Variants in ADCY3 observed in about 807,000 individuals in gnomAD.
ADCY3 encodes adenylate cyclase type 3.
In ADCY3, 70 loss-of-function variants were observed where a neutral mutation model predicts 119.4. That is an observed-to-expected ratio of 0.59 (90% CI 0.48 to 0.72). The LOEUF (loss-of-function observed/expected upper bound fraction) is 0.72. Among genes scored for constraint, ADCY3 ranks in the 30% least tolerant of loss-of-function variants. The pLI, the probability that ADCY3 is intolerant of heterozygous loss-of-function variation, is 0.00. For missense variants in ADCY3, 1,238 were observed against 1,541.6 expected (o/e 0.80, Z 3.30); for synonymous variants, 672 against 621.4 (o/e 1.08, Z -1.21).
At chr2:24,864,195 CAGG>C (rs1292579740) in intron 3 of ADCY3, among the ~76,000 whole-genome samples, 1 of 152,138 alleles carries the variant, frequency 6.6e-6, no homozygotes, top group Non-Finnish European at 1.5e-5. Flanking sequence ...GACGCTGAAG[CAGG>C]AGAATAGCTT....
Position 24,834,950 on chromosome 2 carries a change from A to C in ADCY3, c.1663-14T>G, listed in dbSNP as rs1445346769. The C allele has an allele frequency of 1.9e-6, 3 of 1,611,452 alleles. No individual in the cohort carries two copies. In the African/African-American group the frequency reaches 4.0e-5, roughly 22 times the overall value. On this transcript the variant is annotated splice_polypyrimidine_tract_variant and intron_variant, in intron 9 of 21. Transcript: ENST00000679454. The surrounding 1 kb of genome is among the most constrained non-coding windows in gnomAD (Gnocchi z 4.2). Reference sequence around the variant, plus strand: ...GGGGTTGTCGGCCTGTGAGCCAGGGAGGCAGCGTGAGTGGGGCAGATGGGA... The same window carrying C: ...GGGGTTGTCGGCCTGTGAGCCAGGGCGGCAGCGTGAGTGGGGCAGATGGGA...
At chr2:24,839,049 TCTC>T (rs1167994134) in intron 7 of ADCY3, 6 of 417,346 alleles carry the variant, frequency 1.4e-5, no homozygotes, top group African/African-American at 8.4e-5. Flanking sequence ...TTCAAGCAAT[TCTC>T]CTGCCTCAGC....
At chr2:24,905,135 C>T (rs1296627613) in intron 2 of ADCY3, among the ~76,000 whole-genome samples, 5 of 144,380 alleles carry the variant, frequency 3.5e-5, no homozygotes, top group Admixed American at 1.4e-4. Context: ...TGTGTTTTTG[C>T]ATTTTTTTTT....
chr2:24,902,042 G>A (rs1678966727), intron 2 of ADCY3, among the ~76,000 whole-genome samples: 1 of 119,624 alleles, frequency 8.4e-6, no homozygotes, highest in African/African-American at 3.4e-5. Context: ...CTCTGTGTGT[G>A]TGTGTGTGTG....
At chr2:24,874,790 TC>T (rs1558484767) in intron 2 of ADCY3, among the ~76,000 whole-genome samples, 1 of 152,124 alleles carries the variant, frequency 6.6e-6, no homozygotes. Context: ...AGTCCAGGGT[TC>T]CCCCCGAATT....
At chr2:24,895,737 C>T (rs1218155751) in intron 2 of ADCY3, among the ~76,000 whole-genome samples, 4 of 151,654 alleles carry the variant, frequency 2.6e-5, no homozygotes, top group Admixed American at 6.6e-5. Flanking sequence ...GTGATCCTCC[C>T]GTCTCAGCCT....
chr2:24,886,935 C>T (rs9631061), intron 2 of ADCY3, among the ~76,000 whole-genome samples: 48,863 of 152,152 alleles, frequency 0.32, 8,006 homozygotes, highest in East Asian at 0.37. Flanking sequence ...ATCACCAACT[C>T]GACAGTCCCC....
At chr2:24,914,064 A>C in intron 2 of ADCY3, among the ~76,000 whole-genome samples, 1 of 147,596 alleles carries the variant, frequency 6.8e-6, no homozygotes, top group Admixed American at 6.8e-5. Flanking sequence ...CTTCCTCCTC[A>C]CCCAGCCCAG....
At position 24,878,821 on chromosome 2, in the gene ADCY3, C is replaced by A. The variant is rs1676030321; in HGVS notation, c.676-6102G>T. On this transcript the variant is annotated intron_variant, in intron 2 of 21. Transcript: ENST00000679454. The surrounding 1 kb of genome is among the most constrained non-coding windows in gnomAD (Gnocchi z 4.0). Reference sequence around the variant, plus strand: ...CTTAAGTCCCTATGAAATGTCCCTACCCCTCAGAGGCCTTCCCTGCCCACC... The same window carrying A: ...CTTAAGTCCCTATGAAATGTCCCTAACCCTCAGAGGCCTTCCCTGCCCACC... Among the ~76,000 whole-genome samples, 1 of 152,188 alleles carries A rather than the reference C, an allele frequency of 6.6e-6. No individual in the cohort carries two copies. Among genetic ancestry groups the A allele is most frequent in the Non-Finnish European group, 1.5e-5 (1 of 68,036 alleles).
rs564796233 is a variant in ADCY3 at position 24,881,874 on chromosome 2, C to T, written c.676-9155G>A. Among the ~76,000 whole-genome samples the T allele has an allele frequency of 6.6e-5, 10 of 152,252 alleles. No homozygotes were observed. In the East Asian group the frequency reaches 1.4e-3, roughly 21 times the overall value. ...GCGGGTGCTACTGGCCTCTAGTGGG[C>T]GGAGGCCAGGGATGCTGCTGAACAT... is the stretch of plus-strand genomic sequence containing the variant. On this transcript the variant is annotated intron_variant, in intron 2 of 21. Transcript: ENST00000679454.
At chr2:24,863,553 A>C (rs1335568272) in intron 3 of ADCY3, among the ~76,000 whole-genome samples, 1 of 152,156 alleles carries the variant, frequency 6.6e-6, no homozygotes, top group Non-Finnish European at 1.5e-5. Flanking sequence ...TACAGCCTCT[A>C]TCAGTCTTTT....
intron 3 of ADCY3, among the ~76,000 whole-genome samples, chr2:24,851,967 C>A (rs1310608452): frequency 6.6e-6 from 1 of 152,216 alleles, no homozygotes; most frequent in Non-Finnish European, 1.5e-5. Context: ...ATATCCTCTA[C>A]CGCAGCACCC....
chr2:24,883,307 C>T (rs1185904890), intron 2 of ADCY3, among the ~76,000 whole-genome samples: 1 of 152,008 alleles, frequency 6.6e-6, no homozygotes, highest in African/African-American at 2.4e-5. Flanking sequence ...GAGATCTCAC[C>T]ACTGCCCTCC....
intron 2 of ADCY3, among the ~76,000 whole-genome samples, chr2:24,886,950 A>G (rs1005099204): frequency 1.3e-5 from 2 of 152,210 alleles, no homozygotes; most frequent in African/African-American, 2.4e-5. Flanking sequence ...GTCCCCCACA[A>G]GTGACACCCC....
chr2:24,896,552 T>C (rs1399875023), intron 2 of ADCY3, among the ~76,000 whole-genome samples: 3 of 152,134 alleles, frequency 2.0e-5, no homozygotes, highest in African/African-American at 7.2e-5. Context: ...AACGTTACCA[T>C]TTTTCAATGC....
intron 2 of ADCY3, among the ~76,000 whole-genome samples, chr2:24,905,166 T>C (rs6545810): frequency 0.8 from 120,813 of 150,124 alleles, 49,441 homozygotes; most frequent in East Asian, 0.96. Context: ...CAGAGTCTTG[T>C]TCTGTCTCCC....
intron 3 of ADCY3, among the ~76,000 whole-genome samples, chr2:24,861,350 G>A (rs913841581): frequency 1.3e-5 from 2 of 151,932 alleles, no homozygotes; most frequent in South Asian, 4.2e-4. Context: ...TTTTTGCAGA[G>A]GGTAGATTAA....
chr2:24,840,065 G>A, intron 6 of ADCY3, 34 bp from the exon 7 acceptor site: 2 of 1,584,770 alleles, frequency 1.3e-6, no homozygotes, highest in Non-Finnish European at 1.7e-6. Flanking sequence ...GGGTCAGGGT[G>A]TGGCCTTCAC....
At chr2:24,911,413 G>A (rs761263310) in intron 2 of ADCY3, among the ~76,000 whole-genome samples, 105 of 151,192 alleles carry the variant, frequency 6.9e-4, no homozygotes, top group Non-Finnish European at 1.8e-4. Flanking sequence ...TTGGTAGGCC[G>A]AGGCAGGTGG....
Sources: gnomAD v4.1 joint callset for allele counts (sites outside exome capture counted in the v4.1 genomes callset) on GRCh38, gnomAD v4.1.1 for gene constraint, Gnocchi (gnomAD v3.1) non-coding constraint, MANE v1.5 for transcripts, NCBI Gene and HGNC (gene_info 2026-07-23, HGNC 2026-07-21) for gene names.